Variants in CDH13 observed in about 807,000 individuals in gnomAD.
CDH13 encodes the protein cadherin 13.
In CDH13, 24 loss-of-function variants were observed where a neutral mutation model predicts 63.8. The observed-to-expected ratio is 0.38, with a 90% confidence interval of 0.27 to 0.53. The LOEUF (loss-of-function observed/expected upper bound fraction) is 0.53, where lower values mean the gene tolerates loss of function less well. CDH13 is among the 20% of genes least tolerant of loss of function. CDH13 has a pLI of 0.85. For missense variants in CDH13, 1,049 were observed against 903.1 expected, an observed-to-expected ratio of 1.16 and a Z score of -2.07; for synonymous variants, 503 against 355.3, an observed-to-expected ratio of 1.42 and a Z score of -4.67.
intron 1 of CDH13, among the ~76,000 whole-genome samples, chr16:82,813,771 T>C (rs2037565501): frequency 6.6e-6 from 1 of 152,188 alleles, no homozygotes; most frequent in African/African-American, 2.4e-5. Flanking sequence ...GCTGCCTCCA[T>C]CTACAGGACC....
chr16:82,965,399 A>G (rs994465490), intron 2 of CDH13, among the ~76,000 whole-genome samples: 53 of 152,188 alleles, frequency 3.5e-4, no homozygotes, highest in African/African-American at 1.1e-3. Flanking sequence ...TCTATGGAGT[A>G]TTTTTCTTGT....
At chr16:82,796,551 C>T (rs917584744) in intron 1 of CDH13, among the ~76,000 whole-genome samples, 7 of 152,154 alleles carry the variant, frequency 4.6e-5, no homozygotes, top group African/African-American at 1.2e-4. Context: ...TGAGTCTTCC[C>T]AGGAGGTGTC....
At chr16:82,705,255 C>G (rs1345179522) in intron 1 of CDH13, 1 of 436,784 alleles carries the variant, frequency 2.3e-6, no homozygotes, top group Non-Finnish European at 4.5e-6. Flanking sequence ...GGCTGCACTT[C>G]AAGAGACCAC....
At chr16:82,724,813 C>G (rs988918735) in intron 1 of CDH13, among the ~76,000 whole-genome samples, 1 of 152,136 alleles carries the variant, frequency 6.6e-6, no homozygotes, top group African/African-American at 2.4e-5. Context: ...GGGACAAGAG[C>G]AGGGATGATT....
intron 3 of CDH13, among the ~76,000 whole-genome samples, chr16:83,110,433 CG>C (rs1323852685): frequency 6.6e-6 from 1 of 152,138 alleles, no homozygotes; most frequent in African/African-American, 2.4e-5. Flanking sequence ...CCTTGCAATG[CG>C]GAAGAGCACT....
chr16:83,410,513 G>C (rs969188512), intron 6 of CDH13, among the ~76,000 whole-genome samples: 2 of 152,038 alleles, frequency 1.3e-5, no homozygotes, highest in African/African-American at 4.8e-5. Flanking sequence ...AATAGCATTT[G>C]AGAAAAGAGA....
At chr16:83,110,574 CTACATACTTG>C (rs2035009063) in intron 3 of CDH13, among the ~76,000 whole-genome samples, 1 of 152,174 alleles carries the variant, frequency 6.6e-6, no homozygotes, top group African/African-American at 2.4e-5. Context: ...GATCATGCTG[CTACATACTTG>C]TACATACTTA....
intron 2 of CDH13, among the ~76,000 whole-genome samples, chr16:82,927,254 A>T (rs1215465316): frequency 6.6e-6 from 1 of 152,170 alleles, no homozygotes; most frequent in East Asian, 1.9e-4. Context: ...CAGTTGGGGC[A>T]GTCATAGATT....
intron 10 of CDH13, among the ~76,000 whole-genome samples, chr16:83,737,678 T>C (rs1020248286): frequency 1.3e-5 from 2 of 152,186 alleles, no homozygotes; most frequent in Admixed American, 1.3e-4. Flanking sequence ...CAGAGCCACC[T>C]GGAAAACATG....
chr16:83,453,984 C>T (rs966919300), intron 6 of CDH13, among the ~76,000 whole-genome samples: 3 of 152,184 alleles, frequency 2.0e-5, no homozygotes, highest in African/African-American at 7.2e-5. Context: ...CCTCTGAAGG[C>T]TAGGTTCTAG....
intron 1 of CDH13, among the ~76,000 whole-genome samples, chr16:82,696,599 G>C (rs960593816): frequency 6.6e-6 from 1 of 152,138 alleles, no homozygotes; most frequent in Non-Finnish European, 1.5e-5. Flanking sequence ...ATGTTGCAAC[G>C]AAGGCTGTAA....
intron 10 of CDH13, among the ~76,000 whole-genome samples, chr16:83,736,486 C>T (rs1375178243): frequency 6.6e-6 from 1 of 152,094 alleles, no homozygotes; most frequent in Non-Finnish European, 1.5e-5. Flanking sequence ...TATTGCTTGG[C>T]AGTCAATTTG....
intron 10 of CDH13, among the ~76,000 whole-genome samples, chr16:83,686,665 G>A (rs1012671672): frequency 6.6e-6 from 1 of 152,098 alleles, no homozygotes; most frequent in Non-Finnish European, 1.5e-5. Flanking sequence ...AAAAGCAAAA[G>A]TATAAAAATA....
intron 1 of CDH13, among the ~76,000 whole-genome samples, chr16:82,674,249 G>C (rs1175750330): frequency 6.6e-6 from 1 of 152,132 alleles, no homozygotes; most frequent in Admixed American, 6.5e-5. Flanking sequence ...ATCTGGACTG[G>C]GAGGATTGAT....
intron 11 of CDH13, among the ~76,000 whole-genome samples, chr16:83,761,982 G>T (rs1167351106): frequency 6.6e-6 from 1 of 152,094 alleles, no homozygotes; most frequent in Non-Finnish European, 1.5e-5. Context: ...CAGGAGAATC[G>T]CTTGACCCTG....
At chr16:83,368,801 GA>G (rs2091302458) in intron 6 of CDH13, among the ~76,000 whole-genome samples, 1 of 147,930 alleles carries the variant, frequency 6.8e-6, no homozygotes, top group Admixed American at 6.8e-5. Flanking sequence ...ACTTCACTTA[GA>G]ATAACAGTCT....
chr16:82,946,489 G>A (rs547571851), intron 2 of CDH13, among the ~76,000 whole-genome samples: 2 of 152,258 alleles, frequency 1.3e-5, no homozygotes, highest in South Asian at 4.1e-4. Flanking sequence ...TGAGGCCAAG[G>A]CAGGCAGATC....
intron 2 of CDH13, among the ~76,000 whole-genome samples, chr16:82,941,562 G>T (rs1904287214): frequency 6.6e-6 from 1 of 152,124 alleles, no homozygotes; most frequent in Admixed American, 6.6e-5. Context: ...TGTGTGGATA[G>T]CACACTTTAT....
intron 6 of CDH13, among the ~76,000 whole-genome samples, chr16:83,346,407 G>A (rs1273365022): frequency 6.6e-6 from 1 of 152,162 alleles, no homozygotes; most frequent in Non-Finnish European, 1.5e-5. Flanking sequence ...AACACATTTG[G>A]AGAACCAATG....
Sources: gnomAD v4.1 joint callset for allele counts (sites outside exome capture counted in the v4.1 genomes callset) on GRCh38, gnomAD v4.1.1 for gene constraint, MANE v1.5 for transcripts, NCBI Gene and HGNC (gene_info 2026-07-23, HGNC 2026-07-21) for gene names.